GALNTL6: variants seen among roughly 807,000 people sequenced by gnomAD.
GALNTL6 encodes polypeptide N-acetylgalactosaminyltransferase like 6.
Under a neutral mutation model 73.7 loss-of-function variants are expected in GALNTL6, and 46 were observed. That is an observed-to-expected ratio of 0.62 (90% confidence interval 0.49 to 0.80). The LOEUF is 0.80. Among genes scored for constraint, GALNTL6 ranks in the 30% least tolerant of loss-of-function variants. The pLI, the probability that GALNTL6 is intolerant of heterozygous loss-of-function variation, is 0.00. For synonymous variants in GALNTL6, 259 were observed against 263.7 expected (o/e 0.98, Z 0.17); for missense variants, 604 against 755.0 (o/e 0.80, Z 2.34).
chr4:172,042,726 ATCTC>A (rs1292568077), intron 2 of GALNTL6, among the ~76,000 whole-genome samples: 4 of 151,590 alleles, frequency 2.6e-5, no homozygotes, highest in South Asian at 2.1e-4. Flanking sequence ...TCCTTAACTC[ATCTC>A]TCTCTTTCTT....
At chr4:172,288,528 AT>A (rs1457713160) in intron 3 of GALNTL6, among the ~76,000 whole-genome samples, 2 of 152,212 alleles carry the variant, frequency 1.3e-5, no homozygotes, top group Non-Finnish European at 2.9e-5. Flanking sequence ...TTTTAAAAAT[AT>A]GGAATAATTA....
chr4:171,943,469 A>G (rs1447265712), intron 2 of GALNTL6, among the ~76,000 whole-genome samples: 4 of 152,234 alleles, frequency 2.6e-5, no homozygotes, highest in Admixed American at 2.0e-4. Context: ...TAGAAATATT[A>G]CATATTAAAT....
At chr4:172,483,395 G>T (rs1034279411) in intron 5 of GALNTL6, among the ~76,000 whole-genome samples, 5 of 152,148 alleles carry the variant, frequency 3.3e-5, no homozygotes, top group African/African-American at 1.2e-4. Context: ...GAAGAGTAAT[G>T]TATAGTCTGA....
chr4:172,871,187 C>G (rs1744911287), intron 7 of GALNTL6, among the ~76,000 whole-genome samples: 2 of 152,206 alleles, frequency 1.3e-5, no homozygotes, highest in Admixed American at 6.5e-5. Flanking sequence ...TCTAAAACAA[C>G]TCCTTCTGAC....
chr4:172,297,745 G>T (rs574259425), intron 3 of GALNTL6, among the ~76,000 whole-genome samples: 1 of 152,098 alleles, frequency 6.6e-6, no homozygotes, highest in Non-Finnish European at 1.5e-5. Flanking sequence ...TGATGTTTTG[G>T]TTACTGTTGC....
chr4:172,515,237 T>C (rs1282089466), intron 5 of GALNTL6, among the ~76,000 whole-genome samples: 1 of 152,248 alleles, frequency 6.6e-6, no homozygotes, highest in Non-Finnish European at 1.5e-5. Context: ...CAGTTACTTC[T>C]GATTTTCAAA....
In GALNTL6 at chr4:172,408,680, G is replaced by A. The variant is rs187230829; in HGVS notation, c.553+59991G>A. ...TTGAGGTAAATGCTAATCATTTGTT[G>A]AATTAAACTGATGTTGTTAGTAGGC... is the stretch of plus-strand genomic sequence containing the variant. On this transcript the variant is annotated intron_variant, in intron 5 of 12. Coordinates refer to ENST00000506823, the MANE Select transcript of GALNTL6 (RefSeq NM_001034845.3). Among the ~76,000 whole-genome samples the A allele has an allele frequency of 2.0e-5, 3 of 151,532 alleles. No individual in the cohort carries two copies. In the East Asian group the frequency reaches 5.8e-4, roughly 29 times the overall value.
chr4:172,174,721 C>T (rs970461062), intron 2 of GALNTL6, among the ~76,000 whole-genome samples: 1 of 152,020 alleles, frequency 6.6e-6, no homozygotes, highest in East Asian at 1.9e-4. Flanking sequence ...GTGTGGATCC[C>T]TTCATATTCT....
intron 2 of GALNTL6, among the ~76,000 whole-genome samples, chr4:172,198,577 G>A (rs1043090109): frequency 6.6e-6 from 1 of 152,100 alleles, no homozygotes; most frequent in African/African-American, 2.4e-5. Flanking sequence ...GTGGTTTCCA[G>A]TGCCCTCACA....
In GALNTL6 at chr4:172,560,328, A is replaced by C. The variant is rs371806234; in HGVS notation, c.553+211639A>C. ...CATCTCTGCAAAATAAAAATTAAGC[A>C]AAAAAAAAAGAAAAAAAAAATTAGC... On this transcript the variant is annotated intron_variant, in intron 5 of 12. Transcript: ENST00000506823. Among the ~76,000 whole-genome samples the C allele has an allele frequency of 5.9e-3, 379 of 63,930 alleles. 2 individuals carry two copies. The highest frequency in any genetic ancestry group is 0.017 in the African/African-American group (358 of 20,836). 41.9% of individuals were successfully genotyped at this position (63,930 alleles called of 152,430 possible).
chr4:172,714,306 AAC>A (rs3084330), intron 5 of GALNTL6, among the ~76,000 whole-genome samples: 43,865 of 148,994 alleles, frequency 0.29, 6,764 homozygotes, highest in Admixed American at 0.39. Flanking sequence ...TTTCACACCA[AAC>A]ACACACACAC....
intron 7 of GALNTL6, among the ~76,000 whole-genome samples, chr4:172,880,788 T>C (rs774801080): frequency 1.3e-5 from 2 of 152,156 alleles, no homozygotes; most frequent in Non-Finnish European, 2.9e-5. Context: ...TAGGTCTTTG[T>C]AGGAACATCA....
At chr4:171,958,987 T>A (rs1468209324) in intron 2 of GALNTL6, among the ~76,000 whole-genome samples, 3 of 152,144 alleles carry the variant, frequency 2.0e-5, no homozygotes, top group African/African-American at 7.2e-5. Flanking sequence ...CCATACCTTC[T>A]GAAATAAACT....
chr4:172,868,291 C>T (rs1334463183), intron 7 of GALNTL6, among the ~76,000 whole-genome samples: 1 of 152,208 alleles, frequency 6.6e-6, no homozygotes, highest in African/African-American at 2.4e-5. Flanking sequence ...AAATGGAGAC[C>T]CTGCCTCCAC....
chr4:172,538,819 A>C (rs1435389705), intron 5 of GALNTL6, among the ~76,000 whole-genome samples: 2 of 152,230 alleles, frequency 1.3e-5, no homozygotes, highest in Non-Finnish European at 2.9e-5. Context: ...AAATGACATA[A>C]AGAGTCATAG....
At chr4:172,767,499 G>A (rs114605048) in intron 5 of GALNTL6, among the ~76,000 whole-genome samples, 2,724 of 151,954 alleles carry the variant, frequency 0.018, 45 homozygotes, top group South Asian at 0.069. Flanking sequence ...CTATGGCCAC[G>A]TCACCTTTTT....
intron 5 of GALNTL6, among the ~76,000 whole-genome samples, chr4:172,653,224 C>T (rs200836043): frequency 2.1e-5 from 3 of 143,664 alleles, no homozygotes; most frequent in African/African-American, 2.6e-5. Flanking sequence ...TCTCTTCTTC[C>T]TTTTTTTTTT....
intron 2 of GALNTL6, among the ~76,000 whole-genome samples, chr4:172,029,937 G>C (rs560051549): frequency 6.6e-6 from 1 of 152,126 alleles, no homozygotes; most frequent in Admixed American, 6.5e-5. Flanking sequence ...TTTAAATATG[G>C]AAAAAGTGAG....
intron 5 of GALNTL6, among the ~76,000 whole-genome samples, chr4:172,559,058 A>ATTTT (rs71592081): frequency 0.51 from 39,120 of 77,358 alleles, 16,489 homozygotes; most frequent in East Asian, 0.62. Context: ...ATGATAATGG[A>ATTTT]TTTTTTTTTT....
Sources: allele counts gnomAD v4.1 joint callset (sites outside exome capture counted in the v4.1 genomes callset), GRCh38; gene constraint gnomAD v4.1.1; transcripts MANE v1.5; gene names NCBI Gene and HGNC (gene_info 2026-07-23, HGNC 2026-07-21).